Variants in TPST2 observed in about 807,000 individuals in gnomAD.
TPST2 encodes tyrosylprotein sulfotransferase 2.
Under a neutral mutation model 27.8 loss-of-function variants are expected in TPST2, and 16 were observed. The observed-to-expected ratio is 0.58, with a 90% CI of 0.39 to 0.88. The LOEUF is 0.88. Among genes scored for constraint, TPST2 ranks in the 40% least tolerant of loss-of-function variants. The pLI is 0.00. For synonymous variants in TPST2, 229 were observed against 231.7 expected, an observed-to-expected ratio of 0.99 and a Z score of 0.10; for missense variants, 464 against 543.1, an observed-to-expected ratio of 0.85 and a Z score of 1.45.
intron 1 of TPST2, among the ~76,000 whole-genome samples, chr22:26,559,899 G>A (rs1017762052): frequency 6.6e-6 from 1 of 152,050 alleles, no homozygotes; most frequent in Non-Finnish European, 1.5e-5. Context: ...TGGACAGCAG[G>A]GCCTTCTAGG....
At chr22:26,589,796 G>A (rs1258500741) in intron 1 of TPST2, among the ~76,000 whole-genome samples, 2 of 152,116 alleles carry the variant, frequency 1.3e-5, no homozygotes, top group Admixed American at 6.5e-5. Flanking sequence ...GTGGTAACGG[G>A]GGCCCGGTGG....
chr22:26,571,575 G>A (rs554386515), intron 1 of TPST2, among the ~76,000 whole-genome samples: 5 of 152,072 alleles, frequency 3.3e-5, no homozygotes, highest in Non-Finnish European at 7.4e-5. Flanking sequence ...ACTAGATAGA[G>A]TTGTCACTCT....
At chr22:26,536,231 C>A (rs1194589818) in intron 4 of TPST2, 57 bp downstream of exon 4, 1 of 1,591,256 alleles carries the variant, frequency 6.3e-7, no homozygotes, top group African/African-American at 1.3e-5. Flanking sequence ...GTTTCCACAT[C>A]TGCAGAAGCC....
chr22:26,546,342 C>T (rs76056097), intron 1 of TPST2, among the ~76,000 whole-genome samples: 3,588 of 152,326 alleles, frequency 0.024, 150 homozygotes, highest in African/African-American at 0.082. Context: ...ACTCAAGCCC[C>T]GGCACTCCTG....
At chr22:26,558,513 CTG>C (rs973016403) in intron 1 of TPST2, among the ~76,000 whole-genome samples, 10 of 152,180 alleles carry the variant, frequency 6.6e-5, no homozygotes, top group African/African-American at 2.2e-4. Context: ...AAAGGAGACA[CTG>C]TGGGCAGGAG....
Position 26,571,424 on chromosome 22 carries a change from C to G in TPST2, c.-161+18629G>C, listed in dbSNP as rs996835711. On this transcript the variant is annotated intron_variant, in intron 1 of 6. Transcript: ENST00000338754. ...CGGCACTCCAGAAGCCCTCACCCTG[C>G]GTGATTTTTTTTTTCCCCCAGCACT... 2.0e-5 allele frequency among the ~76,000 whole-genome samples: 3 copies of G among 152,020 alleles called. No individual in the cohort carries two copies. The South Asian group carries it at 6.2e-4, about 32-fold the overall frequency.
At chr22:26,533,766 C>G (rs1413868786) in intron 4 of TPST2, among the ~76,000 whole-genome samples, 1 of 152,098 alleles carries the variant, frequency 6.6e-6, no homozygotes, top group Non-Finnish European at 1.5e-5. Flanking sequence ...CCTCCACTTC[C>G]CAGCCTCAGG....
At chr22:26,561,274 T>G (rs1927077379) in intron 1 of TPST2, among the ~76,000 whole-genome samples, 1 of 152,184 alleles carries the variant, frequency 6.6e-6, no homozygotes. Flanking sequence ...TAAGATTTGT[T>G]TTTAAACTGT....
chr22:26,569,245 T>C (rs59389947), intron 1 of TPST2, among the ~76,000 whole-genome samples: 5,756 of 152,068 alleles, frequency 0.038, 328 homozygotes, highest in East Asian at 0.24. Flanking sequence ...AACAGTTCCA[T>C]GGATACAAAG....
intron 1 of TPST2, chr22:26,560,717 A>C: frequency 9.2e-6 from 10 of 1,081,840 alleles, no homozygotes; most frequent in Non-Finnish European, 1.4e-5. Flanking sequence ...AAGATATGGC[A>C]AAGGCGGACA....
chr22:26,583,139 C>T (rs1010673185), intron 1 of TPST2, among the ~76,000 whole-genome samples: 1 of 140,960 alleles, frequency 7.1e-6, no homozygotes, highest in Non-Finnish European at 1.5e-5. Context: ...AAAAAAAGAA[C>T]AAAACAAATA....
rs774247175 is a variant in TPST2, at chr22:26,541,322, G to A, written c.309C>T (p.Ile103=). The stretch of plus-strand genomic sequence containing the variant: ...CCTGGCGCATGGCCAGCACGCGCGG[G>A]ATGATGCGGGTCTCCTCGCCGCAGC... ...EVRCGEETRI[I]PRVLAMRQAW... Residue 103 remains isoleucine (I), a synonymous_variant, in exon 3 of 7, where the codon ATC becomes ATT. Coordinates refer to ENST00000338754, the MANE Select transcript of TPST2 (RefSeq NM_003595.5). This position sits in a 1 kb window ranked among gnomAD's most constrained non-coding sequence, Gnocchi z 5.9. 5 of 1,547,038 alleles carry A rather than the reference G, an allele frequency of 3.2e-6. No individual in the cohort carries two copies. In the Admixed American group the frequency reaches 7.6e-5, roughly 24 times the overall value.
At chr22:26,549,126 T>A (rs1206776193) in intron 1 of TPST2, among the ~76,000 whole-genome samples, 1 of 152,268 alleles carries the variant, frequency 6.6e-6, no homozygotes, top group African/African-American at 2.4e-5. Context: ...ATAAATAAAT[T>A]AGGGCATGTC....
chr22:26,586,877 T>G (rs1928366629), intron 1 of TPST2, among the ~76,000 whole-genome samples: 1 of 151,942 alleles, frequency 6.6e-6, no homozygotes, highest in African/African-American at 2.4e-5. Context: ...GCAAAGAGTG[T>G]GAAGGAAGAA....
chr22:26,562,613 TC>T (rs869119418), intron 1 of TPST2, among the ~76,000 whole-genome samples: 1 of 47,762 alleles, frequency 2.1e-5, no homozygotes, highest in Non-Finnish European at 5.3e-5. Flanking sequence ...ACTTGCTTTT[TC>T]TTTTCTTTTC....
chr22:26,581,937 A>T (rs1928130726), intron 1 of TPST2, among the ~76,000 whole-genome samples: 1 of 152,168 alleles, frequency 6.6e-6, no homozygotes, highest in Non-Finnish European at 1.5e-5. Flanking sequence ...TCAATAAATA[A>T]GCATAGCTGT....
intron 4 of TPST2, chr22:26,535,857 A>G (rs547539472): frequency 2.9e-6 from 1 of 341,408 alleles, no homozygotes; most frequent in Non-Finnish European, 5.8e-6. Context: ...AAACAGCCCT[A>G]AACTCACATT....
chr22:26,546,097 A>G (rs996949170), intron 1 of TPST2, among the ~76,000 whole-genome samples: 4 of 152,044 alleles, frequency 2.6e-5, no homozygotes, highest in East Asian at 3.8e-4. Flanking sequence ...AAAAAGAAAA[A>G]AAAAACTCAG....
chr22:26,575,179 C>A (rs1378250156), intron 1 of TPST2, among the ~76,000 whole-genome samples: 1 of 152,116 alleles, frequency 6.6e-6, no homozygotes, highest in Non-Finnish European at 1.5e-5. Context: ...GGGGATAACA[C>A]AGCACTTCCC....
Sources: gnomAD v4.1 joint callset for allele counts (sites outside exome capture counted in the v4.1 genomes callset) on GRCh38, gnomAD v4.1.1 for gene constraint, Gnocchi (gnomAD v3.1) non-coding constraint, MANE v1.5 for transcripts, NCBI Gene and HGNC (gene_info 2026-07-23, HGNC 2026-07-21) for gene names.